STK3: variants seen among roughly 807,000 people sequenced by gnomAD.
The protein encoded by STK3 is serine/threonine-protein kinase 3.
A neutral mutation model predicts 58.0 loss-of-function variants in STK3; 41 were observed. That is an observed-to-expected ratio of 0.71 (90% confidence interval 0.55 to 0.92). The LOEUF is 0.92. Ranked by LOEUF, STK3 falls within the 40% of genes least tolerant of loss-of-function variation. The pLI is 0.00. For missense variants in STK3, 479 were observed against 602.7 expected, an observed-to-expected ratio of 0.79 and a Z score of 2.15; for synonymous variants, 170 against 191.0, an observed-to-expected ratio of 0.89 and a Z score of 0.91.
At chr8:98,864,116 A>G (rs967165768) in intron 3 of STK3, among the ~76,000 whole-genome samples, 9 of 146,330 alleles carry the variant, frequency 6.2e-5, no homozygotes, top group South Asian at 2.3e-4. Context: ...GGAGAATGGC[A>G]TGAATCGGGA....
chr8:98,707,628 C>T (rs574844463), intron 4 of STK3, among the ~76,000 whole-genome samples: 3 of 151,984 alleles, frequency 2.0e-5, no homozygotes, highest in Non-Finnish European at 4.4e-5. Flanking sequence ...TGGTCTTGAA[C>T]TCTTTGCTTC....
intron 1 of STK3, among the ~76,000 whole-genome samples, chr8:98,938,098 T>C (rs1288346582): frequency 6.6e-6 from 1 of 152,210 alleles, no homozygotes; most frequent in Non-Finnish European, 1.5e-5. Context: ...AAATTCATTT[T>C]TGTTTATATG....
At chr8:98,573,573 C>A (rs2131696435) in intron 8 of STK3, among the ~76,000 whole-genome samples, 1 of 152,206 alleles carries the variant, frequency 6.6e-6, no homozygotes, top group Non-Finnish European at 1.5e-5. Flanking sequence ...ACAGCCAAAC[C>A]ATATCATTCT....
intron 4 of STK3, among the ~76,000 whole-genome samples, chr8:98,739,083 G>A (rs1353817299): frequency 6.6e-6 from 1 of 152,358 alleles, no homozygotes; most frequent in East Asian, 1.9e-4. Flanking sequence ...AAACAAAGCA[G>A]CCGGGAAGCT....
intron 9 of STK3, among the ~76,000 whole-genome samples, chr8:98,543,303 G>C (rs891704371): frequency 6.6e-6 from 1 of 152,122 alleles, no homozygotes; most frequent in African/African-American, 2.4e-5. Context: ...AACTGGTGTT[G>C]AGCTTTAGCC....
chr8:98,872,356 A>AT (rs1837408788), intron 3 of STK3, among the ~76,000 whole-genome samples: 1 of 152,200 alleles, frequency 6.6e-6, no homozygotes, highest in Non-Finnish European at 1.5e-5. Context: ...TGTTGGCCTC[A>AT]TAAAATGAAT....
At chr8:98,474,377 C>T (rs1317969440) in intron 10 of STK3, among the ~76,000 whole-genome samples, 1 of 152,186 alleles carries the variant, frequency 6.6e-6, no homozygotes, top group Non-Finnish European at 1.5e-5. Flanking sequence ...AATCCAAATG[C>T]GGCCTTGCCT....
At chr8:98,844,794 T>C (rs1836137924) in intron 3 of STK3, among the ~76,000 whole-genome samples, 1 of 152,178 alleles carries the variant, frequency 6.6e-6, no homozygotes, top group Non-Finnish European at 1.5e-5. Context: ...TGTCAATGAT[T>C]ATTGCTAGCA....
chr8:98,860,398 G>C (rs1046254266), intron 3 of STK3, among the ~76,000 whole-genome samples: 2 of 152,182 alleles, frequency 1.3e-5, no homozygotes, highest in Non-Finnish European at 2.9e-5. Context: ...TCTAGGCAGA[G>C]GGAACAGCAA....
intron 3 of STK3, among the ~76,000 whole-genome samples, chr8:98,853,791 G>T (rs1211975827): frequency 6.6e-6 from 1 of 152,198 alleles, no homozygotes; most frequent in Non-Finnish European, 1.5e-5. Flanking sequence ...AGTCTGAATA[G>T]AACTATATGT....
At chr8:98,375,873 A>G (rs151103750) in intron 2 of STK3, among the ~76,000 whole-genome samples, 17 of 152,288 alleles carry the variant, frequency 1.1e-4, no homozygotes, top group African/African-American at 4.1e-4. Flanking sequence ...TTATTATATG[A>G]TATTATAAAT....
downstream of STK3, among the ~76,000 whole-genome samples, chr8:98,397,110 A>G (rs1410288655): frequency 6.6e-6 from 1 of 152,242 alleles, no homozygotes; most frequent in African/African-American, 2.4e-5. Flanking sequence ...CGTTACCCTT[A>G]TAACCAAACA....
chr8:98,411,962 T>C (rs2131041799), intron 3 of STK3, among the ~76,000 whole-genome samples: 1 of 152,310 alleles, frequency 6.6e-6, no homozygotes, highest in Admixed American at 6.5e-5. Flanking sequence ...CCTCTTTCTG[T>C]TCCTTGGGCT....
chr8:98,848,616 G>A (rs1274025113), intron 3 of STK3, among the ~76,000 whole-genome samples: 2 of 152,168 alleles, frequency 1.3e-5, no homozygotes, highest in African/African-American at 4.8e-5. Context: ...GTGGTGCTTT[G>A]TGACTGGCTT....
intron 6 of STK3, among the ~76,000 whole-genome samples, chr8:98,650,488 G>A (rs558591425): frequency 7.2e-5 from 11 of 152,354 alleles, no homozygotes; most frequent in African/African-American, 2.2e-4. Flanking sequence ...GACAGTGGGC[G>A]CAGGACAGGG....
intron 6 of STK3, among the ~76,000 whole-genome samples, chr8:98,703,240 A>C (rs1307302357): frequency 6.6e-6 from 1 of 152,120 alleles, no homozygotes; most frequent in African/African-American, 2.4e-5. Flanking sequence ...CACAGAGGAT[A>C]TTTCTTTGGT....
chr8:98,520,549 T>G (rs929542068), intron 10 of STK3, among the ~76,000 whole-genome samples: 1 of 151,302 alleles, frequency 6.6e-6, no homozygotes, highest in Non-Finnish European at 1.5e-5. Flanking sequence ...TTCTCTTTCA[T>G]TTTTTTTTCT....
chr8:98,785,752 T>C lies in STK3; in HGVS notation c.27-10933A>G, dbSNP rs180968280. ...TATAAAACCTGCCAACTGAAGTGCA[T>C]AGGACTATAAAAACAAAGCCAAAAG... is the stretch of plus-strand genomic sequence containing the variant. On this transcript the variant is annotated intron_variant, in intron 1 of 10. Coordinates refer to ENST00000419617, the MANE Select transcript of STK3 (RefSeq NM_006281.4). Among the ~76,000 whole-genome samples, 6 of 151,974 alleles carry C rather than the reference T, an allele frequency of 3.9e-5. No homozygotes were observed. The East Asian group carries it at 5.8e-4, about 15-fold the overall frequency.
chr8:98,617,557 G>C (rs1390607782), intron 6 of STK3, among the ~76,000 whole-genome samples: 4 of 151,710 alleles, frequency 2.6e-5, no homozygotes, highest in African/African-American at 9.7e-5. Flanking sequence ...AAAATTGATA[G>C]ACCGCTAGCA....
Sources: allele counts gnomAD v4.1 joint callset (sites outside exome capture counted in the v4.1 genomes callset), GRCh38; gene constraint gnomAD v4.1.1; transcripts MANE v1.5; gene names NCBI Gene and HGNC (gene_info 2026-07-23, HGNC 2026-07-21).